Variants in CYP2C19 observed in about 807,000 individuals in gnomAD.
CYP2C19 encodes cytochrome P450 2C19.
In CYP2C19, 59 loss-of-function variants were observed where a neutral mutation model predicts 40.9. The observed-to-expected ratio is 1.44, with a 90% CI of 1.17 to 1.79. CYP2C19 has a LOEUF of 1.79. Among genes scored for constraint, CYP2C19 ranks in the 40% most tolerant of loss-of-function variants. The pLI is 0.00. For missense variants in CYP2C19, 754 were observed against 596.9 expected, an observed-to-expected ratio of 1.26 and a Z score of -2.74; for synonymous variants, 253 against 208.7, an observed-to-expected ratio of 1.21 and a Z score of -1.83.
rs34415420 is a variant in CYP2C19 at position 94,853,547 on chromosome 10, C to CTTTTT, written c.*645_*649dup. 5.2e-4 allele frequency among the ~76,000 whole-genome samples: 73 copies of CTTTTT among 139,176 alleles called. 1 individual carries two copies. The highest frequency in any genetic ancestry group is 9.0e-4 in the South Asian group (4 of 4,434). The allele number at this position is 139,176 out of a possible 152,430, so 91.3% of individuals were successfully genotyped here. A position where few individuals can be genotyped will look rare whatever the true frequency, so the allele number is the denominator to read the frequency against. On this transcript the variant is annotated 3_prime_UTR_variant, in exon 9 of 9. Coordinates refer to ENST00000371321, the MANE Select transcript of CYP2C19 (RefSeq NM_000769.4). ...TATTAAATGTTCCACATTGGTGTTCCTTTTTTTTTTTTTTTTGAGACAATG... is the reference window on the plus strand; with the variant it reads ...TATTAAATGTTCCACATTGGTGTTCCTTTTTTTTTTTTTTTTTTTTTGAGACAATG...
chr10:94,780,584 T>C lies in CYP2C19; in HGVS notation c.567T>C (p.Tyr189=). 6.2e-7 allele frequency: 1 copy of C among 1,613,932 alleles called. No homozygotes were observed. The highest frequency in any genetic ancestry group is 8.5e-7 in the Non-Finnish European group (1 of 1,179,922). Residue 189 remains tyrosine (Y), a synonymous_variant, in exon 4 of 9, where the codon TAT becomes TAC. Transcript: ENST00000371321. The part of the protein sequence containing the change: ...CSIIFQKRFD[Y]KDQQFLNLME... ...TTATTTTCCAGAAACGTTTCGATTA[T>C]AAAGATCAGCAATTTCTTAACTTGA...
At position 94,775,055 on chromosome 10, in the gene CYP2C19, T is replaced by G. The variant is rs375151331; in HGVS notation, c.169-3T>G. On this transcript the variant is annotated splice_region_variant and splice_polypyrimidine_tract_variant and intron_variant, in intron 1 of 8. Transcript: ENST00000371321. ...TTGCTGTTAACTGTATCTCCTTTTC[T>G]AGCTCTCAAAAATCTATGGCCCTGT... The G allele has an allele frequency of 1.9e-6, 3 of 1,613,882 alleles. No homozygotes were observed. The African/African-American group carries it at 4.0e-5, about 22-fold the overall frequency.
chr10:94,840,414 G>C (rs934220288), intron 6 of CYP2C19, among the ~76,000 whole-genome samples: 1 of 152,068 alleles, frequency 6.6e-6, no homozygotes, highest in Non-Finnish European at 1.5e-5. Context: ...AGGGATACCA[G>C]GGATAAGACT....
chr10:94,820,864 C>A (rs751159503), intron 6 of CYP2C19, among the ~76,000 whole-genome samples: 1 of 152,058 alleles, frequency 6.6e-6, no homozygotes, highest in Admixed American at 6.6e-5. Context: ...GTGGGTGGAC[C>A]ATTGAGGCTA....
chr10:94,769,812 C>T (rs1393858758), intron 1 of CYP2C19, among the ~76,000 whole-genome samples: 4 of 152,098 alleles, frequency 2.6e-5, no homozygotes, highest in Non-Finnish European at 5.9e-5. Flanking sequence ...TTCCAGTGCC[C>T]AGACTTCAGG....
chr10:94,852,716 A>G lies in CYP2C19; in HGVS notation c.1292-17A>G, dbSNP rs4451645. On this transcript the variant is annotated splice_polypyrimidine_tract_variant and intron_variant, in intron 8 of 8. Coordinates refer to ENST00000371321, the MANE Select transcript of CYP2C19 (RefSeq NM_000769.4). ...TACACATGAGGAGTAACTTCTCCCT[A>G]TGTTTGTTATTTTCAGGAAAACGGA... is the stretch of plus-strand genomic sequence containing the variant. 7,832 of 1,612,882 alleles carry G rather than the reference A, an allele frequency of 4.9e-3. 280 individuals are homozygous for G. In the African/African-American group the frequency reaches 0.083, roughly 17 times the overall value.
At position 94,806,712 on chromosome 10, in the gene CYP2C19, A is replaced by T. The variant is rs533013355; in HGVS notation, c.820-13784A>T. ...TTACCATAAATTTATATTATATAAC[A>T]TATATAAAAGTATATTATTATTGAT... On this transcript the variant is annotated intron_variant, in intron 5 of 8. Coordinates refer to ENST00000371321, the MANE Select transcript of CYP2C19 (RefSeq NM_000769.4). Among the ~76,000 whole-genome samples, 55 of 148,430 alleles carry T rather than the reference A, an allele frequency of 3.7e-4. No individual in the cohort carries two copies. In the Middle Eastern group the frequency reaches 0.011, roughly 29 times the overall value.
At chr10:94,785,354 T>C (rs1213209761) in intron 5 of CYP2C19, among the ~76,000 whole-genome samples, 1 of 152,090 alleles carries the variant, frequency 6.6e-6, no homozygotes, top group Non-Finnish European at 1.5e-5. Flanking sequence ...TGAGGTAGGG[T>C]AGGTCCCAGC....
chr10:94,822,469 T>A (rs1849139683), intron 6 of CYP2C19, among the ~76,000 whole-genome samples: 1 of 152,180 alleles, frequency 6.6e-6, no homozygotes, highest in African/African-American at 2.4e-5. Context: ...TTATACAGTC[T>A]ACTGTTGATG....
At chr10:94,832,568 C>T (rs1224065311) in intron 6 of CYP2C19, among the ~76,000 whole-genome samples, 1 of 152,154 alleles carries the variant, frequency 6.6e-6, no homozygotes, top group Non-Finnish European at 1.5e-5. Context: ...AATGAGTTCA[C>T]TCTAGGTGTG....
intron 5 of CYP2C19, among the ~76,000 whole-genome samples, chr10:94,791,775 T>C (rs1371309225): frequency 6.6e-6 from 1 of 152,170 alleles, no homozygotes; most frequent in African/African-American, 2.4e-5. Context: ...TGAGGAGTGC[T>C]TTACTTCCAG....
At chr10:94,846,207 C>T (rs909164550) in intron 7 of CYP2C19, among the ~76,000 whole-genome samples, 1 of 152,036 alleles carries the variant, frequency 6.6e-6, no homozygotes, top group African/African-American at 2.4e-5. Context: ...AGTTCATTTC[C>T]TCTGTTTCCT....
chr10:94,791,236 T>C lies in CYP2C19; in HGVS notation c.819+9239T>C, dbSNP rs532157088. ...ATATCCCCTTTATCATTTTTTATTGTGTCTATTTGATTCTTCTCTATTTTC... is the reference window on the plus strand; with the variant it reads ...ATATCCCCTTTATCATTTTTTATTGCGTCTATTTGATTCTTCTCTATTTTC... On this transcript the variant is annotated intron_variant, in intron 5 of 8. Coordinates refer to ENST00000371321, the MANE Select transcript of CYP2C19 (RefSeq NM_000769.4). 3.1e-3 allele frequency among the ~76,000 whole-genome samples: 475 copies of C among 152,204 alleles called. 3 individuals are homozygous for C. The highest frequency in any genetic ancestry group is 0.011 in the African/African-American group (452 of 41,558).
chr10:94,835,238 CT>C (rs772602951), intron 6 of CYP2C19, among the ~76,000 whole-genome samples: 84 of 152,308 alleles, frequency 5.5e-4, no homozygotes, highest in Admixed American at 1.6e-3. Context: ...CCCTGACTAT[CT>C]GCTTGATAGT....
At chr10:94,797,357 G>A (rs1848704418) in intron 5 of CYP2C19, among the ~76,000 whole-genome samples, 1 of 152,068 alleles carries the variant, frequency 6.6e-6, no homozygotes, top group Non-Finnish European at 1.5e-5. Context: ...TGATTGTGGT[G>A]GATAAGCTTT....
At chr10:94,850,933 G>A (rs1343131076) in intron 8 of CYP2C19, among the ~76,000 whole-genome samples, 1 of 152,182 alleles carries the variant, frequency 6.6e-6, no homozygotes, top group Non-Finnish European at 1.5e-5. Flanking sequence ...TGTGTGTGCT[G>A]AGCATCTGGT....
intron 7 of CYP2C19, among the ~76,000 whole-genome samples, chr10:94,843,234 C>T (rs946866035): frequency 6.6e-6 from 1 of 152,086 alleles, no homozygotes; most frequent in Admixed American, 6.5e-5. Context: ...CAGATTTATT[C>T]TTTCTTCAAG....
At chr10:94,794,970 T>A (rs1047890803) in intron 5 of CYP2C19, among the ~76,000 whole-genome samples, 1 of 152,000 alleles carries the variant, frequency 6.6e-6, no homozygotes, top group Admixed American at 6.6e-5. Flanking sequence ...AGAGAGGGCA[T>A]CCTTGTCTTG....
chr10:94,794,041 A>C (rs894840257), intron 5 of CYP2C19, among the ~76,000 whole-genome samples: 3 of 151,956 alleles, frequency 2.0e-5, no homozygotes, highest in African/African-American at 7.2e-5. Context: ...TTGTTAACCT[A>C]CTCAAGCCTC....
Sources: gnomAD v4.1 joint callset for allele counts (sites outside exome capture counted in the v4.1 genomes callset) on GRCh38, gnomAD v4.1.1 for gene constraint, MANE v1.5 for transcripts, NCBI Gene and HGNC (gene_info 2026-07-23, HGNC 2026-07-21) for gene names.